Variants in ACTL8 observed in about 807,000 individuals in gnomAD.
ACTL8 encodes actin-like protein 8.
A neutral mutation model predicts 9.3 loss-of-function variants in ACTL8; 3 were observed. That is an observed-to-expected ratio of 0.32 (90% CI 0.15 to 0.83). The LOEUF (loss-of-function observed/expected upper bound fraction) is 0.83, where lower values mean the gene tolerates loss of function less well. ACTL8 is among the 40% of genes least tolerant of loss of function. The probability of loss-of-function intolerance (pLI) is 0.57; values close to 1 mark genes in which losing one functional copy is unlikely to be tolerated. For synonymous variants in ACTL8, 224 were observed against 205.9 expected, an observed-to-expected ratio of 1.09 and a Z score of -0.75; for missense variants, 381 against 492.2, an observed-to-expected ratio of 0.77 and a Z score of 2.14.
intron 1 of ACTL8, among the ~76,000 whole-genome samples, chr1:17,791,821 G>T (rs1209886627): frequency 2.6e-5 from 4 of 152,248 alleles, no homozygotes; most frequent in Admixed American, 2.6e-4. Flanking sequence ...CTCCCAGGGG[G>T]ATGGATCCCT....
intron 1 of ACTL8, among the ~76,000 whole-genome samples, chr1:17,801,826 T>G (rs1227830819): frequency 1.3e-5 from 2 of 152,200 alleles, no homozygotes; most frequent in Non-Finnish European, 2.9e-5. Context: ...AAACTGAAAT[T>G]TATTCATGCT....
At chr1:17,783,015 T>C (rs1003942635) in intron 1 of ACTL8, among the ~76,000 whole-genome samples, 1 of 152,178 alleles carries the variant, frequency 6.6e-6, no homozygotes, top group African/African-American at 2.4e-5. Flanking sequence ...CCAGGCCAGC[T>C]GCTGATTGGG....
chr1:17,816,662 G>T (rs779103066), intron 1 of ACTL8, among the ~76,000 whole-genome samples: 20 of 152,166 alleles, frequency 1.3e-4, no homozygotes, highest in Non-Finnish European at 2.6e-4. Context: ...TCCTTTGTGG[G>T]TGGTGATTCC....
chr1:17,768,830 C>T (rs991216884), intron 1 of ACTL8, among the ~76,000 whole-genome samples: 1 of 152,112 alleles, frequency 6.6e-6, no homozygotes, highest in African/African-American at 2.4e-5. Context: ...GCTGGAGCTG[C>T]AGGCTGAAGA....
chr1:17,778,590 C>T (rs550026735), intron 1 of ACTL8, among the ~76,000 whole-genome samples: 9 of 152,174 alleles, frequency 5.9e-5, no homozygotes, highest in East Asian at 5.8e-4. Flanking sequence ...ATAGTATTCT[C>T]GGGGATGAAT....
chr1:17,799,268 C>T (rs1557440149), intron 1 of ACTL8, among the ~76,000 whole-genome samples: 1 of 152,220 alleles, frequency 6.6e-6, no homozygotes, highest in South Asian at 2.1e-4. Flanking sequence ...CCTTTTCCCA[C>T]ATCTGTGCCA....
intron 1 of ACTL8, among the ~76,000 whole-genome samples, chr1:17,781,329 C>T (rs2066153439): frequency 6.6e-6 from 1 of 151,642 alleles, no homozygotes; most frequent in Non-Finnish European, 1.5e-5. Flanking sequence ...CAACCTCTGC[C>T]TTCCAGGTTC....
intron 1 of ACTL8, among the ~76,000 whole-genome samples, chr1:17,780,843 G>A (rs532647337): frequency 7.9e-4 from 121 of 152,234 alleles, no homozygotes; most frequent in African/African-American, 2.9e-3. Flanking sequence ...CCCTGGCCTG[G>A]ACATTCAGAT....
rs1439776137 is a variant in ACTL8, at chr1:17,790,132, G to A, written c.-24-32853G>A. ...TCTCTGTGGGTCTGTGGCTGGACCA[G>A]GTGTACCACAAGCAGCTTCCACGGC... On this transcript the variant is annotated intron_variant, in intron 1 of 2. Transcript: ENST00000375406. Among the ~76,000 whole-genome samples the A allele has an allele frequency of 2.0e-5, 3 of 152,230 alleles. No individual in the cohort carries two copies. The East Asian group carries it at 5.8e-4, about 29-fold the overall frequency.
At chr1:17,794,668 TCCTA>T (rs2066264923) in intron 1 of ACTL8, among the ~76,000 whole-genome samples, 1 of 152,236 alleles carries the variant, frequency 6.6e-6, no homozygotes, top group Non-Finnish European at 1.5e-5. Flanking sequence ...GTGTCTTATT[TCCTA>T]CTGTATGAAG....
chr1:17,757,078 T>C (rs1316863221), intron 1 of ACTL8, among the ~76,000 whole-genome samples: 1 of 152,166 alleles, frequency 6.6e-6, no homozygotes, highest in East Asian at 1.9e-4. Context: ...TGCAGTAAGC[T>C]ATGATTGCAC....
chr1:17,797,146 A>C (rs2066283012), intron 1 of ACTL8, among the ~76,000 whole-genome samples: 1 of 150,996 alleles, frequency 6.6e-6, no homozygotes, highest in African/African-American at 2.4e-5. Flanking sequence ...CAGGGTTGGG[A>C]TCCAAATCCC....
intron 1 of ACTL8, among the ~76,000 whole-genome samples, chr1:17,777,303 C>T (rs1235531048): frequency 3.9e-5 from 6 of 152,094 alleles, no homozygotes; most frequent in South Asian, 4.1e-4. Context: ...TTGTTTACAT[C>T]GTAGAAATGC....
At chr1:17,794,355 C>T (rs1380037919) in intron 1 of ACTL8, among the ~76,000 whole-genome samples, 1 of 152,126 alleles carries the variant, frequency 6.6e-6, no homozygotes, top group Non-Finnish European at 1.5e-5. Flanking sequence ...CAACAATATC[C>T]TGGGTTTCTG....
chr1:17,816,030 A>G (rs982415120), intron 1 of ACTL8, among the ~76,000 whole-genome samples: 1 of 152,232 alleles, frequency 6.6e-6, no homozygotes, highest in African/African-American at 2.4e-5. Context: ...ATTTATGAAT[A>G]CAAGGTGGAA....
chr1:17,780,238 C>G (rs1420151387), intron 1 of ACTL8, among the ~76,000 whole-genome samples: 6 of 152,090 alleles, frequency 3.9e-5, no homozygotes, highest in Non-Finnish European at 1.5e-5. Flanking sequence ...AAAAAACCCT[C>G]TGGTTTAGTG....
chr1:17,762,327 C>T (rs930084758), intron 1 of ACTL8, among the ~76,000 whole-genome samples: 5 of 152,166 alleles, frequency 3.3e-5, no homozygotes, highest in Middle Eastern at 3.4e-3. Flanking sequence ...CGCTGGTCCA[C>T]GCAGAAAGGA....
intron 1 of ACTL8, among the ~76,000 whole-genome samples, chr1:17,790,505 G>A (rs1439588921): frequency 1.3e-5 from 2 of 152,320 alleles, no homozygotes; most frequent in East Asian, 3.9e-4. Flanking sequence ...CCTCTCTGCA[G>A]CCTGTTGTCC....
intron 1 of ACTL8, among the ~76,000 whole-genome samples, chr1:17,779,183 A>G (rs1003421531): frequency 2.0e-5 from 3 of 152,018 alleles, no homozygotes; most frequent in Middle Eastern, 3.2e-3. Flanking sequence ...ATTTGTACCC[A>G]TGGACCCTCT....
Sources: gnomAD v4.1 joint callset for allele counts (sites outside exome capture counted in the v4.1 genomes callset) on GRCh38, gnomAD v4.1.1 for gene constraint, MANE v1.5 for transcripts, NCBI Gene and HGNC (gene_info 2026-07-23, HGNC 2026-07-21) for gene names.